The following CNBD1 variants were observed in gnomAD, a reference collection of about 807,000 sequenced individuals.
CNBD1 encodes the protein cyclic nucleotide binding domain containing 1, also known as cyclic nucleotide-binding domain-containing protein 1.
A neutral mutation model predicts 54.4 loss-of-function variants in CNBD1; 71 were observed. That is an observed-to-expected ratio of 1.30 (90% confidence interval 1.08 to 1.59). The LOEUF is 1.59. CNBD1 is among the 40% of genes most tolerant of loss of function. The probability of loss-of-function intolerance (pLI) is 0.00; values close to 1 mark genes in which losing one functional copy is unlikely to be tolerated. For missense variants in CNBD1, 659 were observed against 518.0 expected (o/e 1.27, Z -2.64); for synonymous variants, 182 against 170.7 (o/e 1.07, Z -0.51).
chr8:87,178,521 C>T (rs914822434), intron 4 of CNBD1, among the ~76,000 whole-genome samples: 1 of 152,150 alleles, frequency 6.6e-6, no homozygotes, highest in African/African-American at 2.4e-5. Context: ...AGTGGGAAAG[C>T]TTTAGATGCA....
rs146518063 is a variant in CNBD1 at position 87,065,758 on chromosome 8, A to G, written c.431+126004A>G. ...TTTTTATGTTTTGTCCAAGTCTTGA[A>G]GTTGTCCTCCCAATTTTCTACCAGC... On this transcript the variant is annotated intron_variant, in intron 4 of 10. Transcript: ENST00000518476. Among the ~76,000 whole-genome samples, 1,160 of 152,096 alleles carry G rather than the reference A, an allele frequency of 7.6e-3. 17 individuals carry two copies. Among genetic ancestry groups the G allele is most frequent in the African/African-American group, 0.026 (1,087 of 41,536 alleles).
chr8:87,336,445 A>T (rs1809946346), intron 8 of CNBD1, among the ~76,000 whole-genome samples: 1 of 151,682 alleles, frequency 6.6e-6, no homozygotes. Flanking sequence ...TTTCAGCCAG[A>T]TGGTCTTCCG....
intron 10 of CNBD1, among the ~76,000 whole-genome samples, chr8:87,374,059 T>C (rs1476520289): frequency 1.3e-5 from 2 of 151,782 alleles, no homozygotes; most frequent in African/African-American, 2.4e-5. Flanking sequence ...GATTATATTG[T>C]TTGGCAAAAC....
intron 4 of CNBD1, among the ~76,000 whole-genome samples, chr8:87,134,925 C>T (rs1812197039): frequency 1.3e-5 from 2 of 151,954 alleles, no homozygotes. Flanking sequence ...CAATTTTAAT[C>T]TTGAAAACAA....
At chr8:86,875,016 ATATATG>A (rs991618028) in intron 1 of CNBD1, among the ~76,000 whole-genome samples, 6 of 138,484 alleles carry the variant, frequency 4.3e-5, no homozygotes, top group African/African-American at 1.7e-4. Context: ...ATATATATAT[ATATATG>A]TATTAAAAAT....
intron 1 of CNBD1, among the ~76,000 whole-genome samples, chr8:86,875,221 C>T (rs1365629979): frequency 1.3e-5 from 2 of 151,934 alleles, no homozygotes; most frequent in African/African-American, 2.4e-5. Context: ...TCCATTCTGA[C>T]ATTTAGCTCT....
chr8:87,399,730 G>A (rs184446187), intron 2 of CNBD1, among the ~76,000 whole-genome samples: 129 of 152,044 alleles, frequency 8.5e-4, no homozygotes, highest in Middle Eastern at 3.4e-3. Flanking sequence ...TAGCAGTGGG[G>A]CATTATGGGA....
intron 8 of CNBD1, among the ~76,000 whole-genome samples, chr8:87,311,716 T>C (rs1264406303): frequency 2.0e-5 from 3 of 152,078 alleles, no homozygotes; most frequent in African/African-American, 7.2e-5. Flanking sequence ...CAACAGTGTA[T>C]TAGATAAAGA....
chr8:87,076,124 C>T (rs1810868114), intron 4 of CNBD1, among the ~76,000 whole-genome samples: 1 of 152,132 alleles, frequency 6.6e-6, no homozygotes, highest in African/African-American at 2.4e-5. Flanking sequence ...AGATTTACCA[C>T]CTATATAAGA....
chr8:87,074,124 G>C lies in CNBD1; in HGVS notation c.432-131869G>C, dbSNP rs561857417. On this transcript the variant is annotated intron_variant, in intron 4 of 10. Transcript: ENST00000518476. ...TCAAAAAAAAAAAAAAAAGGCAGCA[G>C]TCTGGCTGCTTTTTGGTAGAGCAGG... 1.6e-3 allele frequency among the ~76,000 whole-genome samples: 241 copies of C among 148,854 alleles called. 1 individual carries two copies. Among genetic ancestry groups the C allele is most frequent in the Non-Finnish European group, 2.8e-3 (187 of 67,638 alleles).
intron 4 of CNBD1, among the ~76,000 whole-genome samples, chr8:86,979,741 C>A (rs566388383): frequency 4.0e-4 from 61 of 152,130 alleles, no homozygotes; most frequent in African/African-American, 1.5e-3. Context: ...TAAGAAGTCC[C>A]ATAAGGTATG....
At chr8:87,112,230 T>A (rs920436784) in intron 4 of CNBD1, among the ~76,000 whole-genome samples, 2 of 152,192 alleles carry the variant, frequency 1.3e-5, no homozygotes, top group African/African-American at 2.4e-5. Context: ...TGGAGCATTG[T>A]TTTTAGTGCA....
intron 1 of CNBD1, among the ~76,000 whole-genome samples, chr8:86,884,298 A>G (rs535468434): frequency 6.6e-6 from 1 of 152,262 alleles, no homozygotes; most frequent in Non-Finnish European, 1.5e-5. Flanking sequence ...ATGAACAGGG[A>G]CAATCTAGGC....
At chr8:87,208,786 A>G (rs1449110952) in intron 5 of CNBD1, among the ~76,000 whole-genome samples, 3 of 151,812 alleles carry the variant, frequency 2.0e-5, no homozygotes, top group Non-Finnish European at 4.4e-5. Context: ...TTTCTCTTCT[A>G]TTTCTTTCAC....
At chr8:87,422,706 G>T (rs1473271095) in intron 2 of CNBD1, among the ~76,000 whole-genome samples, 1 of 152,134 alleles carries the variant, frequency 6.6e-6, no homozygotes, top group African/African-American at 2.4e-5. Flanking sequence ...GTCAGGTAGT[G>T]TGATGCCTCC....
intron 4 of CNBD1, among the ~76,000 whole-genome samples, chr8:86,947,307 T>A (rs1350763940): frequency 3.3e-5 from 5 of 152,138 alleles, no homozygotes; most frequent in Non-Finnish European, 2.9e-5. Context: ...TGTGGTCAGA[T>A]GTCCTTAGTA....
chr8:87,126,545 A>G (rs1586274051), intron 4 of CNBD1, among the ~76,000 whole-genome samples: 1 of 151,976 alleles, frequency 6.6e-6, no homozygotes, highest in African/African-American at 2.4e-5. Context: ...TTATGGCTAT[A>G]TCTCCTTTAT....
chr8:87,138,278 A>G (rs1812300599), intron 4 of CNBD1, among the ~76,000 whole-genome samples: 3 of 152,178 alleles, frequency 2.0e-5, no homozygotes, highest in African/African-American at 7.2e-5. Flanking sequence ...TGAGTGCAGT[A>G]CAATTTGAGA....
chr8:87,347,534 A>T (rs1221339263), intron 8 of CNBD1, among the ~76,000 whole-genome samples: 1 of 152,166 alleles, frequency 6.6e-6, no homozygotes, highest in East Asian at 1.9e-4. Flanking sequence ...AATAACTTAG[A>T]TGGCAACACA....
Sources: allele counts gnomAD v4.1 joint callset (sites outside exome capture counted in the v4.1 genomes callset), GRCh38; gene constraint gnomAD v4.1.1; transcripts MANE v1.5; gene names NCBI Gene and HGNC (gene_info 2026-07-23, HGNC 2026-07-21).